TRAPPC9: variants seen among roughly 807,000 people sequenced by gnomAD.
The protein encoded by TRAPPC9 is IKK2 binding protein.
Under a neutral mutation model 124.0 loss-of-function variants are expected in TRAPPC9, and 83 were observed. The observed-to-expected ratio is 0.67, with a 90% CI of 0.56 to 0.80. The LOEUF (loss-of-function observed/expected upper bound fraction) is 0.80, where lower values mean the gene tolerates loss of function less well. Ranked by LOEUF, TRAPPC9 falls within the 30% of genes least tolerant of loss-of-function variation. TRAPPC9 has a pLI of 0.00. For missense variants in TRAPPC9, 1,302 were observed against 1,508.3 expected (o/e 0.86, Z 2.27); for synonymous variants, 638 against 617.5 (o/e 1.03, Z -0.49).
intron 21 of TRAPPC9, among the ~76,000 whole-genome samples, chr8:139,864,631 T>A (rs560995601): frequency 6.6e-6 from 1 of 152,298 alleles, no homozygotes; most frequent in Admixed American, 6.5e-5. Flanking sequence ...GTAGCATACC[T>A]GCTCCACAGG....
chr8:140,098,149 G>C (rs1465078001), intron 17 of TRAPPC9: 1 of 151,924 alleles, frequency 6.6e-6, no homozygotes, highest in African/African-American at 2.4e-5. Flanking sequence ...CTCAGTGCAG[G>C]GGATTCAGCA....
At chr8:140,454,536 A>G (rs552809848) in intron 1 of TRAPPC9, among the ~76,000 whole-genome samples, 1 of 148,062 alleles carries the variant, frequency 6.8e-6, no homozygotes, top group Non-Finnish European at 1.5e-5. Flanking sequence ...GCTACTCAGG[A>G]GGCTGAGGCA....
chr8:140,216,703 C>T lies in TRAPPC9; in HGVS notation c.2556+4756G>A, dbSNP rs1349596999. On this transcript the variant is annotated intron_variant, in intron 17 of 22. Transcript: ENST00000438773. This position sits in a 1 kb window ranked among gnomAD's most constrained non-coding sequence, Gnocchi z 4.1. The stretch of plus-strand genomic sequence containing the variant: ...CACACAGACTTCAGGGGCCTCTGCA[C>T]CTGCCAGCCGCAGGTTCGGGAATGC... Among the ~76,000 whole-genome samples, 1 of 152,200 alleles carries T rather than the reference C, an allele frequency of 6.6e-6. No homozygotes were observed. Among genetic ancestry groups the T allele is most frequent in the Non-Finnish European group, 1.5e-5 (1 of 68,034 alleles).
intron 19 of TRAPPC9, among the ~76,000 whole-genome samples, chr8:139,953,362 G>T (rs988684107): frequency 6.6e-6 from 1 of 152,090 alleles, no homozygotes; most frequent in East Asian, 1.9e-4. Flanking sequence ...GCATGGGGGC[G>T]CACACCTATA....
intron 21 of TRAPPC9, among the ~76,000 whole-genome samples, chr8:139,866,764 CTGTG>C (rs139054349): frequency 6.6e-6 from 1 of 151,134 alleles, no homozygotes; most frequent in Non-Finnish European, 1.5e-5. Context: ...GATGTTGAGG[CTGTG>C]TGTGTGTGTG....
chr8:140,117,799 A>G (rs1393310825), intron 17 of TRAPPC9, among the ~76,000 whole-genome samples: 1 of 152,190 alleles, frequency 6.6e-6, no homozygotes. Context: ...AGCAAAAGTA[A>G]GCTTGATGTT....
intron 2 of TRAPPC9, among the ~76,000 whole-genome samples, chr8:140,447,705 G>A (rs1387269828): frequency 6.6e-6 from 1 of 152,130 alleles, no homozygotes; most frequent in Non-Finnish European, 1.5e-5. Flanking sequence ...TATGGTCAAT[G>A]TGTCAAACCA....
rs142320121 is a variant in TRAPPC9 at position 140,264,611 on chromosome 8, G to GGAGA, written c.2278+11043_2278+11046dup. On this transcript the variant is annotated intron_variant, in intron 15 of 22. Transcript: ENST00000438773. Reference sequence around the variant, plus strand: ...GAGAGAGAGGAGGGGGAGGGGGAAGGGAGAGAGAGAGAGAGCGGAGGGGGA... The same window carrying GGAGA: ...GAGAGAGAGGAGGGGGAGGGGGAAGGGAGAGAGAGAGAGAGAGAGCGGAGGGGGA... Among the ~76,000 whole-genome samples, 1,170 of 133,544 alleles carry GGAGA rather than the reference G, an allele frequency of 8.8e-3. 21 individuals carry two copies. The highest frequency in any genetic ancestry group is 0.033 in the African/African-American group (1,103 of 33,164). The allele number at this position is 133,544 out of a possible 152,430, so 87.6% of individuals were successfully genotyped here.
chr8:140,261,083 G>C (rs564797611), intron 15 of TRAPPC9, among the ~76,000 whole-genome samples: 2 of 152,318 alleles, frequency 1.3e-5, no homozygotes, highest in African/African-American at 4.8e-5. Context: ...GTCAGTACAT[G>C]GAGACCATGT....
intron 21 of TRAPPC9, among the ~76,000 whole-genome samples, chr8:139,757,291 G>T (rs1819904452): frequency 6.9e-6 from 1 of 144,914 alleles, no homozygotes; most frequent in South Asian, 2.2e-4. Flanking sequence ...GCCAGGGTTT[G>T]GGGATGAGGA....
chr8:140,185,964 C>G (rs1186315226), intron 17 of TRAPPC9, among the ~76,000 whole-genome samples: 1 of 152,144 alleles, frequency 6.6e-6, no homozygotes, highest in Non-Finnish European at 1.5e-5. Flanking sequence ...ACAAAAAAGT[C>G]AAGGAGAAGG....
intron 8 of TRAPPC9, among the ~76,000 whole-genome samples, chr8:140,365,004 C>G (rs1197377456): frequency 6.6e-6 from 1 of 150,624 alleles, no homozygotes. Flanking sequence ...GGAGGGCCTG[C>G]CCTAGCAACA....
Position 140,353,027 on chromosome 8 carries a change from T to C in TRAPPC9, c.1495+7023A>G, listed in dbSNP as rs2067632851. On this transcript the variant is annotated intron_variant, in intron 9 of 22. Transcript: ENST00000438773. The surrounding 1 kb of genome is among the most constrained non-coding windows in gnomAD (Gnocchi z 4.2). ...CAATCCTTAAAACAATCCCACAAGG[T>C]AGACGCAAAAACCAAGACACAGATA... Among the ~76,000 whole-genome samples the C allele has an allele frequency of 1.3e-5, 2 of 152,084 alleles. No homozygotes were observed. Among genetic ancestry groups the C allele is most frequent in the African/African-American group, 2.4e-5 (1 of 41,388 alleles).
chr8:140,245,976 A>C (rs1466893264), intron 16 of TRAPPC9, among the ~76,000 whole-genome samples: 1 of 152,214 alleles, frequency 6.6e-6, no homozygotes, highest in African/African-American at 2.4e-5. Context: ...AAATACTTCT[A>C]TAAAGAGAGA....
intron 21 of TRAPPC9, among the ~76,000 whole-genome samples, chr8:139,820,945 T>C (rs1825213969): frequency 1.3e-5 from 2 of 152,224 alleles, no homozygotes; most frequent in Non-Finnish European, 2.9e-5. Context: ...GTTTTATATA[T>C]ATAGACATTC....
intron 19 of TRAPPC9, among the ~76,000 whole-genome samples, chr8:139,963,373 C>T (rs549343281): frequency 2.6e-5 from 4 of 152,230 alleles, no homozygotes; most frequent in African/African-American, 9.6e-5. Flanking sequence ...CTAGGCTTCC[C>T]AAGGATGGCT....
At chr8:140,452,785 G>A (rs1051348634) in intron 1 of TRAPPC9, among the ~76,000 whole-genome samples, 1 of 152,130 alleles carries the variant, frequency 6.6e-6, no homozygotes, top group African/African-American at 2.4e-5. Context: ...GCCTACAGAC[G>A]GTCATGATGG....
intron 1 of TRAPPC9, among the ~76,000 whole-genome samples, chr8:140,457,099 G>A (rs998918432): frequency 6.6e-6 from 1 of 152,238 alleles, no homozygotes; most frequent in Non-Finnish European, 1.5e-5. Flanking sequence ...AGACAGGAGG[G>A]AAAGGGCTAG....
intron 19 of TRAPPC9, among the ~76,000 whole-genome samples, chr8:139,976,212 T>A (rs4524767): frequency 6.6e-6 from 1 of 152,072 alleles, no homozygotes; most frequent in Non-Finnish European, 1.5e-5. Flanking sequence ...TAACACCCCA[T>A]GCTGGAATAA....
Sources: gnomAD v4.1 joint callset for allele counts (sites outside exome capture counted in the v4.1 genomes callset) on GRCh38, gnomAD v4.1.1 for gene constraint, Gnocchi (gnomAD v3.1) non-coding constraint, MANE v1.5 for transcripts, NCBI Gene and HGNC (gene_info 2026-07-23, HGNC 2026-07-21) for gene names.